Variants in LRRC4C observed in about 807,000 individuals in gnomAD.
LRRC4C encodes leucine-rich repeat-containing protein 4C.
A neutral mutation model predicts 33.6 loss-of-function variants in LRRC4C; 5 were observed. That is an observed-to-expected ratio of 0.15 (90% CI 0.08 to 0.31). The LOEUF is 0.31. Ranked by LOEUF, LRRC4C falls within the 10% of genes least tolerant of loss-of-function variation. The pLI is 1.00. For missense variants in LRRC4C, 560 were observed against 796.7 expected (o/e 0.70, Z 3.58); for synonymous variants, 329 against 302.0 (o/e 1.09, Z -0.93).
intron 1 of LRRC4C, among the ~76,000 whole-genome samples, chr11:41,443,141 ATAT>A (rs1955707949): frequency 7.7e-6 from 1 of 130,468 alleles, no homozygotes; most frequent in Admixed American, 9.2e-5. Flanking sequence ...CAACCTCATC[ATAT>A]TAACACTGAC....
intron 2 of LRRC4C, among the ~76,000 whole-genome samples, chr11:40,733,564 C>T (rs1383792094): frequency 6.6e-6 from 1 of 152,098 alleles, no homozygotes; most frequent in Non-Finnish European, 1.5e-5. Flanking sequence ...TTATGAGTTT[C>T]CTGAATCATA....
chr11:41,121,359 A>G (rs1942421424), intron 1 of LRRC4C, among the ~76,000 whole-genome samples: 1 of 152,138 alleles, frequency 6.6e-6, no homozygotes. Context: ...TTGATAAGCA[A>G]TACATACTTG....
At chr11:40,531,115 C>A (rs561151649) in intron 3 of LRRC4C, among the ~76,000 whole-genome samples, 3 of 152,210 alleles carry the variant, frequency 2.0e-5, no homozygotes, top group East Asian at 1.9e-4. Context: ...AGCTACCCTT[C>A]TTTCATGTGC....
chr11:40,635,479 GAC>G (rs1001719108), intron 3 of LRRC4C, among the ~76,000 whole-genome samples: 2 of 151,996 alleles, frequency 1.3e-5, no homozygotes, highest in Non-Finnish European at 2.9e-5. Context: ...CATACACACA[GAC>G]ACATAGACAG....
intron 2 of LRRC4C, among the ~76,000 whole-genome samples, chr11:40,756,090 T>C (rs1042345397): frequency 1.3e-5 from 2 of 152,010 alleles, no homozygotes; most frequent in African/African-American, 4.8e-5. Flanking sequence ...GGAAGCAAGA[T>C]TATGAGCATT....
At chr11:41,387,894 C>G (rs996537320) in intron 1 of LRRC4C, among the ~76,000 whole-genome samples, 4 of 151,760 alleles carry the variant, frequency 2.6e-5, no homozygotes, top group African/African-American at 9.7e-5. Flanking sequence ...GATCACTTTT[C>G]TAATCACAGT....
chr11:41,425,549 T>A (rs751091428), intron 1 of LRRC4C, among the ~76,000 whole-genome samples: 20 of 152,154 alleles, frequency 1.3e-4, no homozygotes, highest in Middle Eastern at 3.4e-3. Flanking sequence ...AACAAAAGTC[T>A]TACAGGAAAG....
chr11:40,421,183 T>A (rs532934687), intron 3 of LRRC4C, among the ~76,000 whole-genome samples: 1 of 152,366 alleles, frequency 6.6e-6, no homozygotes, highest in East Asian at 1.9e-4. Flanking sequence ...AGTGTTTAAC[T>A]ATGAATAAGA....
chr11:40,710,149 C>T (rs913333186), intron 2 of LRRC4C, among the ~76,000 whole-genome samples: 15 of 152,270 alleles, frequency 9.9e-5, no homozygotes, highest in African/African-American at 3.4e-4. Flanking sequence ...TCCTTTAGCT[C>T]GGAGAAGTTT....
At chr11:40,316,520 A>C (rs1006008292) in intron 4 of LRRC4C, among the ~76,000 whole-genome samples, 1 of 151,970 alleles carries the variant, frequency 6.6e-6, no homozygotes, top group Admixed American at 6.6e-5. Flanking sequence ...TATTAGTATA[A>C]ATTCAGATAG....
chr11:40,197,178 T>C lies in LRRC4C; in HGVS notation c.-96+44341A>G, dbSNP rs1862330782. Among the ~76,000 whole-genome samples the C allele has an allele frequency of 2.6e-5, 4 of 152,204 alleles. No individual in the cohort carries two copies. In the South Asian group the frequency reaches 8.3e-4, roughly 32 times the overall value. On this transcript the variant is annotated intron_variant, in intron 5 of 6. Transcript: ENST00000528697. Reference sequence around the variant, plus strand: ...TTCTGCTGGAAAAATTAACGTTGTGTATGCTGAAGCTTCCTGTGCTAATAA... The same window carrying C: ...TTCTGCTGGAAAAATTAACGTTGTGCATGCTGAAGCTTCCTGTGCTAATAA...
At chr11:41,393,243 G>T (rs2939763) in intron 1 of LRRC4C, among the ~76,000 whole-genome samples, 138,410 of 151,886 alleles carry the variant, frequency 0.91, 63,150 homozygotes, top group East Asian at 1. Context: ...GAACCATCTG[G>T]GAGAAGAGGC....
At chr11:40,756,731 A>G (rs1299304070) in intron 2 of LRRC4C, among the ~76,000 whole-genome samples, 1 of 152,090 alleles carries the variant, frequency 6.6e-6, no homozygotes, top group Admixed American at 6.6e-5. Flanking sequence ...CATCCTAAGC[A>G]ATGCATTTTC....
chr11:40,432,927 TAA>T (rs1201735696), intron 3 of LRRC4C, among the ~76,000 whole-genome samples: 3 of 152,116 alleles, frequency 2.0e-5, no homozygotes, highest in East Asian at 3.8e-4. Context: ...GTAAAATCAA[TAA>T]GTTTATTTAT....
chr11:41,261,572 GA>G (rs1001567976), intron 1 of LRRC4C, among the ~76,000 whole-genome samples: 1 of 151,766 alleles, frequency 6.6e-6, no homozygotes, highest in Non-Finnish European at 1.5e-5. Flanking sequence ...GCACTCTTGA[GA>G]AAAAAAGGAA....
chr11:40,672,509 G>C lies in LRRC4C; in HGVS notation c.-406-24231C>G, dbSNP rs534715156. 1.0e-3 allele frequency among the ~76,000 whole-genome samples: 159 copies of C among 152,296 alleles called. 1 individual carries two copies. The highest frequency in any genetic ancestry group is 2.0e-3 in the Non-Finnish European group (134 of 68,032). On this transcript the variant is annotated intron_variant, in intron 2 of 6. Coordinates refer to ENST00000528697, the MANE Select transcript of LRRC4C (RefSeq NM_001258419.2). ...TTTCCAATTGAGTTCCCCATTAGAA[G>C]TGATATCATCATTTCTACTTTGAGG...
intron 3 of LRRC4C, among the ~76,000 whole-genome samples, chr11:40,529,400 A>C (rs570289266): frequency 1.6e-4 from 25 of 152,240 alleles, no homozygotes; most frequent in African/African-American, 6.0e-4. Context: ...AAATTTCAAC[A>C]GTGAATGACA....
chr11:41,342,302 G>C (rs1247812003), intron 1 of LRRC4C, among the ~76,000 whole-genome samples: 1 of 152,186 alleles, frequency 6.6e-6, no homozygotes, highest in Non-Finnish European at 1.5e-5. Flanking sequence ...ACAGAATTCA[G>C]TATTGAAAGG....
At chr11:40,573,115 T>C (rs1430583929) in intron 3 of LRRC4C, among the ~76,000 whole-genome samples, 1 of 152,192 alleles carries the variant, frequency 6.6e-6, no homozygotes, top group Non-Finnish European at 1.5e-5. Flanking sequence ...TTCAGGAGAA[T>C]AGCACTTTGC....
Sources: allele counts gnomAD v4.1 joint callset (sites outside exome capture counted in the v4.1 genomes callset), GRCh38; gene constraint gnomAD v4.1.1; transcripts MANE v1.5; gene names NCBI Gene and HGNC (gene_info 2026-07-23, HGNC 2026-07-21).